The following TTN variants were observed in gnomAD, a reference collection of about 807,000 sequenced individuals.
TTN encodes connectin.
TTN carries 1,525 observed loss-of-function variants against 3,223.0 expected under a neutral mutation model. The observed-to-expected ratio is 0.47, with a 90% CI of 0.45 to 0.49. The LOEUF is 0.49. Among genes scored for constraint, TTN ranks in the 20% least tolerant of loss-of-function variants. TTN has a pLI of 0.00. For synonymous variants in TTN, 14,094 were observed against 15,161.0 expected (o/e 0.93, Z 5.17); for missense variants, 40,786 against 43,424.0 (o/e 0.94, Z 5.40).
At position 178,548,128 on chromosome 2, in the gene TTN, G is replaced by C; in HGVS notation, c.93498C>G (p.Thr31166=). ...GCTCTACTGTGAAAGTTAGCTGTTTGGTGTGACCAGCTTCAACCCAGAAGT... is the reference window on the plus strand; with the variant it reads ...GCTCTACTGTGAAAGTTAGCTGTTTCGTGTGACCAGCTTCAACCCAGAAGT... ...GSDFWVEAGH[T]KQLTFTVERL... is the part of the protein sequence containing the mutation. Residue 31166 remains threonine, a synonymous_variant, in exon 339 of 363, where the codon ACC becomes ACG. Coordinates refer to ENST00000589042, the MANE Select transcript of TTN (RefSeq NM_001267550.2). The surrounding 1 kb of genome is among the most constrained non-coding windows in gnomAD (Gnocchi z 4.3). The C allele has an allele frequency of 6.2e-7, 1 of 1,613,858 alleles. No individual in the cohort carries two copies. Among genetic ancestry groups the C allele is most frequent in the Non-Finnish European group, 8.5e-7 (1 of 1,179,794 alleles).
chr2:178,610,398 A>G lies in TTN; in HGVS notation c.51137-9T>C, dbSNP rs770492424. On this transcript the variant is annotated splice_polypyrimidine_tract_variant and intron_variant, in intron 270 of 362. Transcript: ENST00000589042. ...GCATGGTCCAGGTAGGCCTATTACA[A>G]AAATGGATAATTATTCTAGTAATCC... 1 of 1,604,902 alleles carries G rather than the reference A, an allele frequency of 6.2e-7. No homozygotes were observed. The highest frequency in any genetic ancestry group is 1.7e-4 in the Middle Eastern group (1 of 6,016).
At chr2:178,629,053 C>CA (rs1200223990) in intron 240 of TTN, among the ~76,000 whole-genome samples, 1 of 151,886 alleles carries the variant, frequency 6.6e-6, no homozygotes, top group Non-Finnish European at 1.5e-5. Context: ...GTCTTTTCTT[C>CA]AAAAAACTAA....
Position 178,590,019 on chromosome 2 carries a change from C to T in TTN, c.61706G>A (p.Arg20569Lys), listed in dbSNP as rs371014957. ...CTTCAAATTCTGGCAAGGCCCAGGTCTGTCAAGGACGTTAACGATGGCTGA... is the reference window on the plus strand; with the variant it reads ...CTTCAAATTCTGGCAAGGCCCAGGTTTGTCAAGGACGTTAACGATGGCTGA... ...QGSAIVNVLD[R>K]PGPCQNLKVT... The change falls in exon 304 of 363, where the codon AGA (arginine) becomes AAA (lysine). Residue 20569 changes from arginine to lysine, a missense_variant. Arg to Lys is a conservative substitution (Grantham distance 26). Coordinates refer to ENST00000589042, the MANE Select transcript of TTN (RefSeq NM_001267550.2). 61 of 1,613,064 alleles carry T rather than the reference C, an allele frequency of 3.8e-5. No individual in the cohort carries two copies. Among genetic ancestry groups the T allele is most frequent in the Non-Finnish European group, 5.1e-5 (60 of 1,179,488 alleles).
Position 178,731,535 on chromosome 2 carries a change from C to A in TTN, c.17231G>T (p.Gly5744Val), listed in dbSNP as rs760630120. The A allele has an allele frequency of 6.2e-7, 1 of 1,612,844 alleles. No individual in the cohort carries two copies. The highest frequency in any genetic ancestry group is 8.5e-7 in the Non-Finnish European group (1 of 1,179,314). The change falls in exon 59 of 363, where the codon GGA becomes GTA. Residue 5744 changes from glycine to valine, a missense_variant. Gly to Val is a moderately radical substitution (Grantham distance 109). Coordinates refer to ENST00000589042, the MANE Select transcript of TTN (RefSeq NM_001267550.2). ...KKIESTSSLR[G>V]GTAAFQATLK... ...AGTGGCCTGGAAGGCAGCTGTGCCT[C>A]CCCGGAGGGAGCTGGTACTCTCGAT...
intron 242 of TTN, among the ~76,000 whole-genome samples, chr2:178,624,027 T>G (rs1282126789): frequency 3.9e-5 from 6 of 151,940 alleles, no homozygotes; most frequent in African/African-American, 1.4e-4. Flanking sequence ...GACTGAAATT[T>G]CATGCTCATT....
In TTN at chr2:178,665,645, T is replaced by G. The variant is rs1577133199; in HGVS notation, c.35959+63A>C. On this transcript the variant is annotated intron_variant, in intron 164 of 362. Transcript: ENST00000589042. ...CTTTGTTTATTATTCTCCAGTTCCC[T>G]AGCACCCTGTACATGCTAAGCACTC... 2.3e-6 allele frequency: 3 copies of G among 1,290,712 alleles called. No homozygotes were observed. In the East Asian group the frequency reaches 7.6e-5, roughly 33 times the overall value. The allele number at this position is 1,290,712 out of a possible 1,614,324, so 80.0% of individuals were successfully genotyped here.
At chr2:178,580,902 C>T (rs903692557) in intron 316 of TTN, 9 of 290,106 alleles carry the variant, frequency 3.1e-5, no homozygotes, top group Non-Finnish European at 4.4e-5. Context: ...GGAAAGTAGA[C>T]GATTGATTTT....
intron 47 of TTN, chr2:178,751,417 T>C: frequency 2.5e-6 from 4 of 1,609,724 alleles, no homozygotes; most frequent in Non-Finnish European, 3.4e-6. Flanking sequence ...CAGAACTCAT[T>C]GTCTTAAAAT....
intron 283 of TTN, 28 bp downstream of exon 283, chr2:178,602,254 A>C: frequency 6.2e-7 from 1 of 1,602,582 alleles, no homozygotes; most frequent in Non-Finnish European, 8.5e-7. Context: ...TCAAAAGAGG[A>C]ATACATAAAC....
In TTN at chr2:178,665,941, G is replaced by A. The variant is rs766611819; in HGVS notation, c.35876-150C>T. The A allele has an allele frequency of 2.3e-4, 93 of 400,842 alleles. 1 individual carries two copies. Among genetic ancestry groups the A allele is most frequent in the Non-Finnish European group, 5.6e-5 (13 of 230,814 alleles). 24.8% of individuals were successfully genotyped at this position (400,842 alleles called of 1,614,324 possible). The stretch of plus-strand genomic sequence containing the variant: ...TCTTTTGTAGCAGTGTGAGTATTTG[G>A]TTATAAGCGGCTGTTTTCTTGGTCA... On this transcript the variant is annotated intron_variant, in intron 163 of 362. Transcript: ENST00000589042.
chr2:178,694,791 C>T, intron 116 of TTN, 38 bp downstream of exon 116: 2 of 1,513,034 alleles, frequency 1.3e-6, no homozygotes, highest in Non-Finnish European at 9.0e-7. Context: ...AAACATATTA[C>T]TTGTGTACAT....
rs1561296452 is a variant in TTN, at chr2:178,776,793, C to T, written c.5071G>A (p.Glu1691Lys). 6.2e-7 allele frequency: 1 copy of T among 1,614,148 alleles called. No individual in the cohort carries two copies. Among genetic ancestry groups the T allele is most frequent in the Non-Finnish European group, 8.5e-7 (1 of 1,180,014 alleles). ...TTCTCTTTGTCATAGAGATCACCTTCTTCCCATTGCTCTTGGCCATATCGC... is the reference window on the plus strand; with the variant it reads ...TTCTCTTTGTCATAGAGATCACCTTTTTCCCATTGCTCTTGGCCATATCGC... ...HLRYGQEQWE[E>K]GDLYDKEKQQ... The change falls in exon 28 of 363, where the codon GAA becomes AAA. Residue 1691 changes from glutamate (E) to lysine (K), a missense_variant. By Grantham distance (56) the Glu-to-Lys change is moderately conservative (BLOSUM62 1). Coordinates refer to ENST00000589042, the MANE Select transcript of TTN (RefSeq NM_001267550.2).
At position 178,548,807 on chromosome 2, in the gene TTN, C is replaced by T. The variant is rs770455196; in HGVS notation, c.92819G>A (p.Gly30940Glu). 1.2e-6 allele frequency: 2 copies of T among 1,612,658 alleles called. No homozygotes were observed. The highest frequency in any genetic ancestry group is 1.3e-5 in the African/African-American group (1 of 75,012). Reference sequence around the variant, plus strand: ...GGCAATGAAGAGGCGAATACTGGCCCCAGCTCTAACAACATGAGTCTGTTT... The same window carrying T: ...GGCAATGAAGAGGCGAATACTGGCCTCAGCTCTAACAACATGAGTCTGTTT... ...NFKQTHVVRA[G>E]ASIRLFIAYQ... Residue 30940 changes from glycine to glutamate, a missense_variant, in exon 339 of 363, where the codon GGG (glycine) becomes GAG (glutamate). Gly to Glu is a moderately conservative substitution (Grantham distance 98, BLOSUM62 -2). Coordinates refer to ENST00000589042, the MANE Select transcript of TTN (RefSeq NM_001267550.2). This position sits in a 1 kb window ranked among gnomAD's most constrained non-coding sequence, Gnocchi z 4.3.
At chr2:178,771,576 T>C in intron 33 of TTN, 105 bp from the exon 34 acceptor site, 1 of 1,467,292 alleles carries the variant, frequency 6.8e-7, no homozygotes, top group Non-Finnish European at 9.4e-7. Flanking sequence ...AACATGATTT[T>C]GAAATCATGA....
In TTN at chr2:178,573,392, T is replaced by C. The variant is rs1408225629; in HGVS notation, c.72740A>G (p.Asp24247Gly). The C allele has an allele frequency of 1.3e-6, 2 of 1,524,316 alleles. No individual in the cohort carries two copies. Among genetic ancestry groups the C allele is most frequent in the Admixed American group, 4.4e-5 (2 of 45,966 alleles). The allele number at this position is 1,524,316 out of a possible 1,614,324, so 94.4% of individuals were successfully genotyped here. ...GATGATTTCACTTCCACCATCAGAA[T>C]CAGGATGTCCCCAGCAGACAACCAT... ...DSMVVCWGHP[D>G]SDGGSEIINY... Residue 24247 changes from aspartate to glycine, a missense_variant, in exon 326 of 363, where the codon GAT becomes GGT. Transcript: ENST00000589042.
At position 178,577,765 on chromosome 2, in the gene TTN, A is replaced by C; in HGVS notation, c.68661T>G (p.Ser22887=). 6.2e-7 allele frequency: 1 copy of C among 1,613,390 alleles called. No individual in the cohort carries two copies. The highest frequency in any genetic ancestry group is 8.5e-7 in the Non-Finnish European group (1 of 1,179,578). The part of the protein sequence containing the change: ...IVEKRDLPSK[S]WMKANHVNVP... ...CATTAACATGGTTGGCTTTCATCCA[A>C]GACTTCGAAGGTAGATCTCGCTTCT... The change falls in exon 323 of 363, where the codon TCT becomes TCG. Residue 22887 remains serine (S), a synonymous_variant. Coordinates refer to ENST00000589042, the MANE Select transcript of TTN (RefSeq NM_001267550.2).
At chr2:178,777,079 A>G (rs746886322) in intron 27 of TTN, 30 bp from the exon 28 acceptor site, 3 of 1,613,946 alleles carry the variant, frequency 1.9e-6, no homozygotes, top group African/African-American at 1.3e-5. Flanking sequence ...GGAATAATCA[A>G]TATAGTGGTA....
At chr2:178,731,614 T>C in intron 58 of TTN, 31 bp from the exon 59 acceptor site, 1 of 1,577,218 alleles carries the variant, frequency 6.3e-7, no homozygotes, top group African/African-American at 1.4e-5. Flanking sequence ...CAATCAATAT[T>C]ATCCCTATAG....
rs1289316404 is a variant in TTN at position 178,587,098 on chromosome 2, G to C, written c.64093+20C>G. The stretch of plus-strand genomic sequence containing the variant: ...AATAGGAGACTGGGGTTAAAAGGAG[G>C]AAGAAAGCATAATACTTACTTAGAG... On this transcript the variant is annotated intron_variant, in intron 307 of 362. Transcript: ENST00000589042. The C allele has an allele frequency of 3.1e-6, 5 of 1,612,214 alleles. No homozygotes were observed. The African/African-American group carries it at 6.7e-5, about 22-fold the overall frequency.
Sources: allele counts gnomAD v4.1 joint callset (sites outside exome capture counted in the v4.1 genomes callset), GRCh38; gene constraint gnomAD v4.1.1; non-coding constraint Gnocchi (gnomAD v3.1); transcripts MANE v1.5; gene names NCBI Gene and HGNC (gene_info 2026-07-23, HGNC 2026-07-21).